Variants in NAA35 observed in about 807,000 individuals in gnomAD.
The protein encoded by NAA35 is MAK10 homolog, amino-acid N-acetyltransferase subunit.
A neutral mutation model predicts 101.7 loss-of-function variants in NAA35; 18 were observed. The observed-to-expected ratio is 0.18, with a 90% CI of 0.12 to 0.26. The LOEUF (loss-of-function observed/expected upper bound fraction) is 0.26. Ranked by LOEUF, NAA35 falls within the 10% of genes least tolerant of loss-of-function variation. The probability of loss-of-function intolerance (pLI) is 1.00; values close to 1 mark genes in which losing one functional copy is unlikely to be tolerated. For missense variants in NAA35, 601 were observed against 886.8 expected (o/e 0.68, Z 4.09); for synonymous variants, 267 against 273.1 (o/e 0.98, Z 0.22).
intron 2 of NAA35, among the ~76,000 whole-genome samples, chr9:85,945,961 T>C (rs1479780015): frequency 6.6e-6 from 1 of 152,200 alleles, no homozygotes; most frequent in Non-Finnish European, 1.5e-5. Context: ...ATTTATTTTA[T>C]TTCCTACTAG....
chr9:85,972,705 T>A (rs928122470), intron 6 of NAA35, among the ~76,000 whole-genome samples: 1 of 152,128 alleles, frequency 6.6e-6, no homozygotes, highest in Non-Finnish European at 1.5e-5. Flanking sequence ...TCTCTACCAT[T>A]CCCTAGTGTA....
chr9:85,978,619 T>C (rs1830312681), intron 11 of NAA35, among the ~76,000 whole-genome samples: 1 of 152,196 alleles, frequency 6.6e-6, no homozygotes, highest in Non-Finnish European at 1.5e-5. Context: ...TCCTGTCTTA[T>C]GTCCATGCTG....
At position 86,007,277 on chromosome 9, in the gene NAA35, G is replaced by A. The variant is rs559055930; in HGVS notation, c.1117-81G>A. On this transcript the variant is annotated intron_variant, in intron 13 of 22. Transcript: ENST00000361671. Reference sequence around the variant, plus strand: ...TATTTTAATCACTTGCGTAGTCTGTGGCATTTATAAGTATACTGATTTTAC... The same window carrying A: ...TATTTTAATCACTTGCGTAGTCTGTAGCATTTATAAGTATACTGATTTTAC... 280 of 973,104 alleles carry A rather than the reference G, an allele frequency of 2.9e-4. 8 individuals carry two copies. The Admixed American group carries it at 5.9e-3, about 21-fold the overall frequency. The allele number at this position is 973,104 out of a possible 1,614,324, so 60.3% of individuals were successfully genotyped here.
At chr9:85,941,668 C>G in intron 1 of NAA35, 1 of 986,256 alleles carries the variant, frequency 1.0e-6, no homozygotes, top group Non-Finnish European at 1.2e-6. Flanking sequence ...CCTCATTGCT[C>G]CCGGCGAGGT....
chr9:85,970,323 T>C (rs1829950892), intron 6 of NAA35, among the ~76,000 whole-genome samples: 1 of 152,222 alleles, frequency 6.6e-6, no homozygotes, highest in African/African-American at 2.4e-5. Context: ...TTTTGAATAC[T>C]TATTTCTGGC....
At chr9:86,019,442 C>T (rs983645738) in intron 21 of NAA35, among the ~76,000 whole-genome samples, 1 of 152,084 alleles carries the variant, frequency 6.6e-6, no homozygotes, top group Non-Finnish European at 1.5e-5. Flanking sequence ...GCCTGGGTGA[C>T]GAGCGAAACT....
intron 11 of NAA35, among the ~76,000 whole-genome samples, chr9:85,991,045 C>G (rs1405960009): frequency 6.6e-6 from 1 of 152,116 alleles, no homozygotes; most frequent in Admixed American, 6.6e-5. Context: ...AGGGTATTTC[C>G]ACAGGAGTGT....
Position 86,018,768 on chromosome 9 carries a change from C to T in NAA35, c.1984C>T (p.His662Tyr), listed in dbSNP as rs1832363876. The T allele has an allele frequency of 3.1e-6, 5 of 1,613,954 alleles. No homozygotes were observed. The highest frequency in any genetic ancestry group is 4.2e-6 in the Non-Finnish European group (5 of 1,179,986). Residue 662 changes from histidine (H) to tyrosine (Y), a missense_variant, in exon 21 of 23, where the codon CAC becomes TAC. His to Tyr is a moderately conservative substitution (Grantham distance 83). Coordinates refer to ENST00000361671, the MANE Select transcript of NAA35 (RefSeq NM_024635.4). The part of the protein sequence containing the change: ...SPELYVAASK[H>Y]FQQAKMILEN... ...TGAACTGTATGTGGCAGCTAGTAAG[C>T]ACTTTCAACAGGCAAAAATGATATT...
At chr9:85,959,390 CA>C (rs1269646443) in intron 4 of NAA35, among the ~76,000 whole-genome samples, 42 of 136,222 alleles carry the variant, frequency 3.1e-4, no homozygotes, top group African/African-American at 9.7e-4. Context: ...AAAAAAAAAA[CA>C]AAAAAAAAAA....
chr9:85,962,431 C>T (rs1255646545), intron 6 of NAA35, among the ~76,000 whole-genome samples: 7 of 127,722 alleles, frequency 5.5e-5, no homozygotes, highest in African/African-American at 1.2e-4. Context: ...GCAGAGGTTG[C>T]GGTGAGCTGA....
intron 15 of NAA35, among the ~76,000 whole-genome samples, chr9:86,011,356 A>G (rs1227964209): frequency 6.6e-6 from 1 of 151,818 alleles, no homozygotes; most frequent in South Asian, 2.1e-4. Context: ...TTAATTTTTT[A>G]AAATATTTAT....
Position 86,018,326 on chromosome 9 carries a change from G to T in NAA35, c.1845G>T (p.Arg615=), listed in dbSNP as rs1384692926. Residue 615 remains arginine (R), a synonymous_variant, in exon 20 of 23, where the codon CGG becomes CGT. Coordinates refer to ENST00000361671, the MANE Select transcript of NAA35 (RefSeq NM_024635.4). The part of the protein sequence containing the change: ...PKFELDSEQV[R]YEHRFAPFNS... ...TTGAGCTTGATAGTGAACAAGTTCGGTATGAACACAGGTTTGCTCCATTCA... is the reference window on the plus strand; with the variant it reads ...TTGAGCTTGATAGTGAACAAGTTCGTTATGAACACAGGTTTGCTCCATTCA... 1.2e-6 allele frequency: 2 copies of T among 1,613,914 alleles called. No homozygotes were observed. Among genetic ancestry groups the T allele is most frequent in the Non-Finnish European group, 1.7e-6 (2 of 1,179,958 alleles).
At chr9:85,965,763 A>G (rs1194440920) in intron 6 of NAA35, among the ~76,000 whole-genome samples, 2 of 152,228 alleles carry the variant, frequency 1.3e-5, no homozygotes, top group African/African-American at 4.8e-5. Context: ...AAGCATGTAT[A>G]TAGCTTGCTA....
intron 11 of NAA35, among the ~76,000 whole-genome samples, chr9:85,983,586 G>A (rs770990049): frequency 6.6e-5 from 10 of 151,960 alleles, no homozygotes; most frequent in Non-Finnish European, 1.0e-4. Flanking sequence ...AAATCAGTAC[G>A]TATGTAAAAC....
chr9:86,016,021 A>T (rs963899603), intron 17 of NAA35, among the ~76,000 whole-genome samples: 2 of 150,272 alleles, frequency 1.3e-5, no homozygotes, highest in Non-Finnish European at 3.0e-5. Context: ...ATATATTTTT[A>T]TATATATATA....
In NAA35 at chr9:86,022,550, C is replaced by T. The variant is rs1221885679; in HGVS notation, c.*590C>T. Among the ~76,000 whole-genome samples, 1 of 152,040 alleles carries T rather than the reference C, an allele frequency of 6.6e-6. No individual in the cohort carries two copies. Among genetic ancestry groups the T allele is most frequent in the Non-Finnish European group, 1.5e-5 (1 of 67,994 alleles). On this transcript the variant is annotated 3_prime_UTR_variant, in exon 23 of 23. Transcript: ENST00000361671. Reference sequence around the variant, plus strand: ...CACAAATTATATATCTGTAAGAATACAGATGTGTAAAAAAAATCCTTTTAG... The same window carrying T: ...CACAAATTATATATCTGTAAGAATATAGATGTGTAAAAAAAATCCTTTTAG...
At chr9:85,964,293 C>G (rs1435716978) in intron 6 of NAA35, among the ~76,000 whole-genome samples, 2 of 152,108 alleles carry the variant, frequency 1.3e-5, no homozygotes, top group Non-Finnish European at 2.9e-5. Flanking sequence ...TGCTCATGCT[C>G]TCTCTCATGT....
chr9:85,961,292 T>C (rs1564291343), intron 5 of NAA35, among the ~76,000 whole-genome samples: 1 of 152,206 alleles, frequency 6.6e-6, no homozygotes. Context: ...AAAATAACTA[T>C]AAACTTGGGC....
chr9:86,010,356 T>G (rs1431999935), intron 15 of NAA35, among the ~76,000 whole-genome samples: 1 of 151,988 alleles, frequency 6.6e-6, no homozygotes, highest in East Asian at 1.9e-4. Flanking sequence ...AAATAAAAAC[T>G]GTCTCCTCCT....
Sources: allele counts gnomAD v4.1 joint callset (sites outside exome capture counted in the v4.1 genomes callset), GRCh38; gene constraint gnomAD v4.1.1; transcripts MANE v1.5; gene names NCBI Gene and HGNC (gene_info 2026-07-23, HGNC 2026-07-21).